Variants in LYPLAL1 observed in about 807,000 individuals in gnomAD.
LYPLAL1 encodes the protein lysophospholipase-like protein 1.
LYPLAL1 carries 23 observed loss-of-function variants against 19.7 expected under a neutral mutation model. The ratio of observed to expected loss-of-function variants is 1.17; its 90% CI spans 0.84 to 1.65. LYPLAL1 has a LOEUF of 1.65. Among genes scored for constraint, LYPLAL1 ranks in the 40% most tolerant of loss-of-function variants. The probability of loss-of-function intolerance (pLI) is 0.00; values close to 1 mark genes in which losing one functional copy is unlikely to be tolerated. For missense variants in LYPLAL1, 355 were observed against 279.4 expected, an observed-to-expected ratio of 1.27 and a Z score of -1.93; for synonymous variants, 119 against 96.3, an observed-to-expected ratio of 1.24 and a Z score of -1.38.
chr1:219,243,779 C>T, the LYPLAL1 span, among the ~76,000 whole-genome samples: 4 of 151,780 alleles, frequency 2.6e-5, no homozygotes, highest in African/African-American at 7.3e-5. Context: ...ATTAGCTGGA[C>T]GTGGTGGTGG....
At chr1:219,440,022 C>CATAT in the LYPLAL1 span, among the ~76,000 whole-genome samples, 41,449 of 128,508 alleles carry the variant, frequency 0.32, 7,520 homozygotes, top group Non-Finnish European at 0.41. Flanking sequence ...TACACACACA[C>CATAT]ACATATATAT....
At chr1:219,306,811 T>TAGATAG in the LYPLAL1 span, among the ~76,000 whole-genome samples, 2 of 132,488 alleles carry the variant, frequency 1.5e-5, no homozygotes, top group African/African-American at 6.0e-5. Context: ...CATAGATAGA[T>TAGATAG]ATAGATAGAT....
the LYPLAL1 span, among the ~76,000 whole-genome samples, chr1:219,255,990 A>T: frequency 6.6e-6 from 1 of 151,490 alleles, no homozygotes; most frequent in Non-Finnish European, 1.5e-5. Flanking sequence ...TTATTTAGGA[A>T]TTTTTTCATC....
At chr1:219,393,623 C>A in the LYPLAL1 span, among the ~76,000 whole-genome samples, 9 of 152,046 alleles carry the variant, frequency 5.9e-5, no homozygotes, top group African/African-American at 2.2e-4. Flanking sequence ...TTTCCATGAG[C>A]AACTCAAATA....
the LYPLAL1 span, among the ~76,000 whole-genome samples, chr1:219,372,020 C>A: frequency 5.3e-4 from 81 of 152,320 alleles, no homozygotes; most frequent in Admixed American, 2.4e-3. Context: ...TTGAACACCC[C>A]TTCCCCTGGT....
chr1:219,321,977 C>G, the LYPLAL1 span, among the ~76,000 whole-genome samples: 399 of 152,272 alleles, frequency 2.6e-3, 2 homozygotes, highest in African/African-American at 9.1e-3. Context: ...TAAAACTAGA[C>G]AAAATCTGGA....
At chr1:219,278,372 G>A in the LYPLAL1 span, among the ~76,000 whole-genome samples, 2 of 152,122 alleles carry the variant, frequency 1.3e-5, no homozygotes, top group East Asian at 1.9e-4. Flanking sequence ...TAACAATTTA[G>A]CCTTTACTAT....
chr1:219,443,357 T>C, the LYPLAL1 span, among the ~76,000 whole-genome samples: 1 of 152,206 alleles, frequency 6.6e-6, no homozygotes, highest in African/African-American at 2.4e-5. Flanking sequence ...GCAATGCCAA[T>C]CATAACCTCT....
chr1:219,434,841 G>C, the LYPLAL1 span, among the ~76,000 whole-genome samples: 1 of 151,924 alleles, frequency 6.6e-6, no homozygotes, highest in African/African-American at 2.4e-5. Context: ...AATCAGCCGT[G>C]TTCTTAGGAG....
the LYPLAL1 span, among the ~76,000 whole-genome samples, chr1:219,383,979 A>T: frequency 6.6e-6 from 1 of 152,162 alleles, no homozygotes; most frequent in African/African-American, 2.4e-5. Flanking sequence ...TTGGGATGGT[A>T]TCTCACCACT....
the LYPLAL1 span, among the ~76,000 whole-genome samples, chr1:219,257,648 C>T: frequency 6.6e-6 from 1 of 151,884 alleles, no homozygotes; most frequent in South Asian, 2.1e-4. Context: ...CTTCTGAGGC[C>T]AATAAAGATT....
the LYPLAL1 span, among the ~76,000 whole-genome samples, chr1:219,243,629 T>G: frequency 6.6e-6 from 1 of 151,720 alleles, no homozygotes; most frequent in Admixed American, 6.6e-5. Flanking sequence ...AAAAAAAAAT[T>G]TAAAAAAGGT....
At chr1:219,371,230 G>A in the LYPLAL1 span, among the ~76,000 whole-genome samples, 4 of 152,140 alleles carry the variant, frequency 2.6e-5, no homozygotes, top group Non-Finnish European at 5.9e-5. Flanking sequence ...GCACTAAAAA[G>A]AGGCAGGATG....
chr1:219,316,825 A>G, the LYPLAL1 span, among the ~76,000 whole-genome samples: 1 of 152,208 alleles, frequency 6.6e-6, no homozygotes, highest in African/African-American at 2.4e-5. Context: ...TTCCACTTAT[A>G]TGAGGTACTC....
At chr1:219,175,065 C>G in intron 1 of LYPLAL1, 1 of 985,402 alleles carries the variant, frequency 1.0e-6, no homozygotes, top group Non-Finnish European at 1.2e-6. Flanking sequence ...TGGAAAGGTA[C>G]TGGGCAGAGA....
the LYPLAL1 span, among the ~76,000 whole-genome samples, chr1:219,389,641 C>T: frequency 6.6e-6 from 1 of 152,104 alleles, no homozygotes; most frequent in Non-Finnish European, 1.5e-5. Flanking sequence ...GTTGTCATGT[C>T]CTGAACTTCA....
chr1:219,420,784 G>T, the LYPLAL1 span, among the ~76,000 whole-genome samples: 23 of 152,142 alleles, frequency 1.5e-4, no homozygotes, highest in African/African-American at 5.3e-4. Flanking sequence ...TCTTACTATG[G>T]CATCTTTTAA....
chr1:219,285,633 G>A, the LYPLAL1 span, among the ~76,000 whole-genome samples: 1 of 152,180 alleles, frequency 6.6e-6, no homozygotes, highest in South Asian at 2.1e-4. Context: ...GCCACATATT[G>A]TATGATTCCA....
chr1:219,276,153 A>G, the LYPLAL1 span, among the ~76,000 whole-genome samples: 1 of 152,160 alleles, frequency 6.6e-6, no homozygotes, highest in Non-Finnish European at 1.5e-5. Context: ...AAGTCACTTC[A>G]TCTTTCAGCT....
Sources: allele counts gnomAD v4.1 joint callset (sites outside exome capture counted in the v4.1 genomes callset), GRCh38; gene constraint gnomAD v4.1.1; transcripts MANE v1.5; gene names NCBI Gene and HGNC (gene_info 2026-07-23, HGNC 2026-07-21).